ITGA9: variants seen among roughly 807,000 people sequenced by gnomAD.
ITGA9 encodes the protein integrin alpha-9.
In ITGA9, 56 loss-of-function variants were observed where a neutral mutation model predicts 127.8. The observed-to-expected ratio is 0.44, with a 90% CI of 0.35 to 0.55. The LOEUF is 0.55. Ranked by LOEUF, ITGA9 falls within the 20% of genes least tolerant of loss-of-function variation. The probability of loss-of-function intolerance (pLI) is 0.00; values close to 1 mark genes in which losing one functional copy is unlikely to be tolerated. For synonymous variants in ITGA9, 508 were observed against 514.5 expected, an observed-to-expected ratio of 0.99 and a Z score of 0.17; for missense variants, 1,196 against 1,347.1, an observed-to-expected ratio of 0.89 and a Z score of 1.76.
At chr3:37,748,493 A>G (rs1478239263) in intron 22 of ITGA9, 7 of 534,814 alleles carry the variant, frequency 1.3e-5, no homozygotes, top group Non-Finnish European at 2.4e-5. Flanking sequence ...CACGCCTGTA[A>G]TCCTAACACT....
At chr3:37,515,379 G>A (rs1698974419) in intron 9 of ITGA9, among the ~76,000 whole-genome samples, 2 of 152,156 alleles carry the variant, frequency 1.3e-5, no homozygotes, top group South Asian at 4.1e-4. Context: ...TAACTAAGTG[G>A]GCAGATGCCA....
chr3:37,610,293 A>G (rs961536244), intron 15 of ITGA9, among the ~76,000 whole-genome samples: 2 of 152,200 alleles, frequency 1.3e-5, no homozygotes. Context: ...TTCATTCTCT[A>G]AATTGTTTAA....
intron 22 of ITGA9, chr3:37,748,991 T>TC: frequency 2.1e-6 from 1 of 484,358 alleles, no homozygotes. Context: ...TAGCTTCTTG[T>TC]ATTAATTTCT....
chr3:37,730,851 A>G (rs1696282216), intron 18 of ITGA9, among the ~76,000 whole-genome samples: 1 of 152,266 alleles, frequency 6.6e-6, no homozygotes, highest in Non-Finnish European at 1.5e-5. Context: ...AGGTGTGAAC[A>G]TAAGAGCAGG....
At position 37,541,471 on chromosome 3, in the gene ITGA9, T is replaced by G. The variant is rs140318509; in HGVS notation, c.1529-954T>G. On this transcript the variant is annotated intron_variant, in intron 14 of 27. Transcript: ENST00000264741. ...ATGAAATACATACCTATCTATTTAC[T>G]TATTGACTCTGAAATAACAGAGGTA... Among the ~76,000 whole-genome samples, 816 of 152,380 alleles carry G rather than the reference T, an allele frequency of 5.4e-3. 4 individuals are homozygous for G. The highest frequency in any genetic ancestry group is 0.017 in the South Asian group (80 of 4,828).
intron 11 of ITGA9, among the ~76,000 whole-genome samples, chr3:37,520,979 G>T (rs1471939350): frequency 1.3e-5 from 2 of 152,202 alleles, no homozygotes; most frequent in African/African-American, 4.8e-5. Context: ...TGGAATCCCT[G>T]TAGAGAACCA....
intron 1 of ITGA9, among the ~76,000 whole-genome samples, chr3:37,464,276 GT>G (rs34372799): frequency 3.8e-3 from 539 of 140,554 alleles, no homozygotes; most frequent in African/African-American, 8.6e-3. Context: ...ATTTGTCAGG[GT>G]TTTTTTTTTT....
rs984392738 is a variant in ITGA9 at position 37,609,895 on chromosome 3, G to A, written c.1690-19292G>A. Among the ~76,000 whole-genome samples, 12 of 152,226 alleles carry A rather than the reference G, an allele frequency of 7.9e-5. 1 individual carries two copies. The highest frequency in any genetic ancestry group is 5.2e-4 in the Admixed American group (8 of 15,280). Reference sequence around the variant, plus strand: ...TGGGGAATTGGACCCTACATTTGATGGGAGAATTAGCCAGTTCATGTTGCA... The same window carrying A: ...TGGGGAATTGGACCCTACATTTGATAGGAGAATTAGCCAGTTCATGTTGCA... On this transcript the variant is annotated intron_variant, in intron 15 of 27. Coordinates refer to ENST00000264741, the MANE Select transcript of ITGA9 (RefSeq NM_002207.3).
chr3:37,530,796 G>C (rs1699143528), intron 13 of ITGA9, among the ~76,000 whole-genome samples: 1 of 125,562 alleles, frequency 8.0e-6, no homozygotes, highest in African/African-American at 3.1e-5. Context: ...CTGTCACCAA[G>C]GCTGGAGTGC....
chr3:37,519,369 A>G lies in ITGA9; in HGVS notation c.1236+15A>G, dbSNP rs757303035. ...AGTACTCAATGGTAATTAGTGTGAGAGTGATATGGCAACTGTTCATACATT... is the reference window on the plus strand; with the variant it reads ...AGTACTCAATGGTAATTAGTGTGAGGGTGATATGGCAACTGTTCATACATT... On this transcript the variant is annotated intron_variant, in intron 11 of 27. Coordinates refer to ENST00000264741, the MANE Select transcript of ITGA9 (RefSeq NM_002207.3). The G allele has an allele frequency of 1.3e-6, 2 of 1,578,282 alleles. No homozygotes were observed.
In ITGA9 at chr3:37,806,427, G is replaced by A. The variant is rs534167881; in HGVS notation, c.3009+2485G>A. ...AGGGCACAGAGTGGGGAGTGTTGTG[G>A]CCGTGCCCCACTTCCCCTTATAGTC... is the stretch of plus-strand genomic sequence containing the variant. On this transcript the variant is annotated intron_variant, in intron 27 of 27. Coordinates refer to ENST00000264741, the MANE Select transcript of ITGA9 (RefSeq NM_002207.3). The surrounding 1 kb of genome is among the most constrained non-coding windows in gnomAD (Gnocchi z 4.3). 1 of 152,322 alleles carries A rather than the reference G, an allele frequency of 6.6e-6. No homozygotes were observed. The highest frequency in any genetic ancestry group is 6.5e-5 in the Admixed American group (1 of 15,286). The allele number at this position is 152,322 out of a possible 1,614,324, so 9.4% of individuals were successfully genotyped here.
At chr3:37,454,142 T>C (rs369826970) in intron 1 of ITGA9, among the ~76,000 whole-genome samples, 1 of 152,206 alleles carries the variant, frequency 6.6e-6, no homozygotes, top group East Asian at 1.9e-4. Flanking sequence ...GGCGGGCAGC[T>C]GAGCAGGCAG....
At chr3:37,569,976 C>T (rs564360665) in intron 15 of ITGA9, among the ~76,000 whole-genome samples, 1 of 152,356 alleles carries the variant, frequency 6.6e-6, no homozygotes, top group Admixed American at 6.5e-5. Context: ...CTGCAGCTGC[C>T]TTGAGAATGC....
At chr3:37,514,061 A>G (rs186084363) in intron 9 of ITGA9, among the ~76,000 whole-genome samples, 161 bp downstream of exon 9, 3 of 152,338 alleles carry the variant, frequency 2.0e-5, no homozygotes, top group Admixed American at 1.3e-4. Context: ...TGGCCCATTA[A>G]TGGAAAGTTA....
chr3:37,459,146 A>G (rs976370225), intron 1 of ITGA9, among the ~76,000 whole-genome samples: 10 of 152,246 alleles, frequency 6.6e-5, no homozygotes, highest in African/African-American at 2.4e-4. Context: ...AGTAGCAACA[A>G]TAACACCAAA....
chr3:37,743,470 C>T (rs955590656), intron 21 of ITGA9, among the ~76,000 whole-genome samples: 1 of 152,190 alleles, frequency 6.6e-6, no homozygotes, highest in Non-Finnish European at 1.5e-5. Flanking sequence ...AACTTCTAGT[C>T]ATCTTGGCAG....
At chr3:37,650,570 T>C (rs573746385) in intron 16 of ITGA9, among the ~76,000 whole-genome samples, 4 of 152,268 alleles carry the variant, frequency 2.6e-5, no homozygotes, top group African/African-American at 9.6e-5. Flanking sequence ...TAGCTGGGAT[T>C]ACAGGCACCC....
At chr3:37,723,327 GT>G (rs147164814) in intron 18 of ITGA9, among the ~76,000 whole-genome samples, 28 of 151,204 alleles carry the variant, frequency 1.9e-4, no homozygotes, top group Non-Finnish European at 3.5e-4. Flanking sequence ...AGATTATCCA[GT>G]TTTTTTTGCT....
chr3:37,507,907 A>G (rs934064997), intron 7 of ITGA9, among the ~76,000 whole-genome samples: 1 of 152,264 alleles, frequency 6.6e-6, no homozygotes, highest in Admixed American at 6.5e-5. Context: ...TCCATAGTCA[A>G]GTACATTTAG....
Sources: gnomAD v4.1 joint callset for allele counts (sites outside exome capture counted in the v4.1 genomes callset) on GRCh38, gnomAD v4.1.1 for gene constraint, Gnocchi (gnomAD v3.1) non-coding constraint, MANE v1.5 for transcripts, NCBI Gene and HGNC (gene_info 2026-07-23, HGNC 2026-07-21) for gene names.